The following PDCD11 variants were observed in gnomAD, a reference collection of about 807,000 sequenced individuals.
The protein encoded by PDCD11 is protein RRP5 homolog.
PDCD11 carries 97 observed loss-of-function variants against 198.9 expected under a neutral mutation model. The observed-to-expected ratio is 0.49, with a 90% CI of 0.41 to 0.58. The LOEUF (loss-of-function observed/expected upper bound fraction) is 0.58, where lower values mean the gene tolerates loss of function less well. PDCD11 is among the 20% of genes least tolerant of loss of function. The pLI is 0.00. For missense variants in PDCD11, 2,102 were observed against 2,312.7 expected (o/e 0.91, Z 1.87); for synonymous variants, 893 against 918.0 (o/e 0.97, Z 0.49).
chr10:103,433,213 G>A (rs1195264858), intron 22 of PDCD11, among the ~76,000 whole-genome samples: 4 of 152,126 alleles, frequency 2.6e-5, no homozygotes, highest in East Asian at 3.8e-4. Flanking sequence ...ATGTATTTAC[G>A]GCCAGGTGTG....
intron 31 of PDCD11, 58 bp downstream of exon 31, chr10:103,442,033 G>A: frequency 6.2e-7 from 1 of 1,602,794 alleles, no homozygotes; most frequent in Non-Finnish European, 8.5e-7. Context: ...TCAGTCTCTT[G>A]TGCTCTGTTC....
intron 7 of PDCD11, among the ~76,000 whole-genome samples, chr10:103,407,829 C>T (rs1000312489): frequency 1.3e-5 from 2 of 152,044 alleles, no homozygotes; most frequent in Non-Finnish European, 2.9e-5. Flanking sequence ...AGCGATCCCC[C>T]TGCCTCAGCC....
At chr10:103,407,527 C>A (rs1217021849) in intron 7 of PDCD11, among the ~76,000 whole-genome samples, 1 of 151,970 alleles carries the variant, frequency 6.6e-6, no homozygotes, top group East Asian at 1.9e-4. Flanking sequence ...TGTGCCACTG[C>A]ATTCCAGCCT....
At chr10:103,434,104 G>A (rs751574660) in intron 23 of PDCD11, 67 bp downstream of exon 23, 14 of 1,362,162 alleles carry the variant, frequency 1.0e-5, no homozygotes, top group Non-Finnish European at 1.5e-5. Context: ...TGCCTGGTGT[G>A]TGGGTTTACA....
At chr10:103,397,561 T>C (rs2093443459) in intron 1 of PDCD11, among the ~76,000 whole-genome samples, 1 of 152,178 alleles carries the variant, frequency 6.6e-6, no homozygotes, top group Non-Finnish European at 1.5e-5. Context: ...TCAGCCTGCC[T>C]AGTAGCTGGG....
Position 103,418,587 on chromosome 10 carries a change from G to A in PDCD11, c.2059G>A (p.Asp687Asn). The A allele has an allele frequency of 6.2e-7, 1 of 1,614,170 alleles. No homozygotes were observed. The highest frequency in any genetic ancestry group is 8.5e-7 in the Non-Finnish European group (1 of 1,180,018). ...PLLHHWLQAG[D>N]ILHRVLCLSQ... is the part of the protein sequence containing the mutation. ...GTTACATCATTGGCTCCAGGCAGGT[G>A]ACATCCTTCACCGAGTCCTGTGTCT... Residue 687 changes from aspartate (D) to asparagine (N), a missense_variant, in exon 15 of 36, where the codon GAC becomes AAC. Coordinates refer to ENST00000369797, the MANE Select transcript of PDCD11 (RefSeq NM_014976.2).
intron 7 of PDCD11, among the ~76,000 whole-genome samples, chr10:103,408,974 C>T (rs372528679): frequency 2.6e-5 from 4 of 152,158 alleles, no homozygotes; most frequent in Non-Finnish European, 5.9e-5. Context: ...TCTCCACCCA[C>T]GAGGGTCTAA....
chr10:103,415,233 C>G, intron 12 of PDCD11, 82 bp downstream of exon 12: 1 of 1,405,914 alleles, frequency 7.1e-7, no homozygotes, highest in Non-Finnish European at 1.0e-6. Context: ...CCTTTTTCCA[C>G]AAAGTGAGTG....
At chr10:103,426,884 G>T (rs1255228318) in intron 20 of PDCD11, among the ~76,000 whole-genome samples, 1 of 151,016 alleles carries the variant, frequency 6.6e-6, no homozygotes, top group East Asian at 1.9e-4. Context: ...CTGAGCCCAG[G>T]AGTTCAAGAC....
intron 14 of PDCD11, among the ~76,000 whole-genome samples, chr10:103,418,238 C>T (rs543166184): frequency 3.3e-5 from 5 of 152,038 alleles, no homozygotes; most frequent in Admixed American, 1.3e-4. Context: ...GAGAGGAGTG[C>T]GATGGGTCCA....
chr10:103,445,872 G>T lies in PDCD11; in HGVS notation c.*323G>T. ...TTCCCTGGGGAGCAAGAGTAGAGGG[G>T]CTATTCCCGAGGGTCCTGTGGTCAG... On this transcript the variant is annotated 3_prime_UTR_variant, in exon 36 of 36. Coordinates refer to ENST00000369797, the MANE Select transcript of PDCD11 (RefSeq NM_014976.2). The T allele has an allele frequency of 3.7e-6, 1 of 273,328 alleles. No individual in the cohort carries two copies. The highest frequency in any genetic ancestry group is 5.5e-5 in the South Asian group (1 of 18,214). The allele number at this position is 273,328 out of a possible 1,614,324, so 16.9% of individuals were successfully genotyped here.
chr10:103,436,245 CGTT>C (rs2032151620), intron 25 of PDCD11, among the ~76,000 whole-genome samples: 1 of 151,998 alleles, frequency 6.6e-6, no homozygotes. Flanking sequence ...GGATTACAGG[CGTT>C]GTGTCACCAT....
At chr10:103,420,680 C>G (rs772670417) in intron 16 of PDCD11, among the ~76,000 whole-genome samples, 22 of 152,132 alleles carry the variant, frequency 1.4e-4, no homozygotes, top group African/African-American at 4.8e-4. Context: ...ATTTGCATCC[C>G]CTGCCAGAAA....
Position 103,417,799 on chromosome 10 carries a change from A to G in PDCD11, c.1778A>G (p.Lys593Arg). Residue 593 changes from lysine (K) to arginine (R), a missense_variant, in exon 14 of 36, where the codon AAG (lysine) becomes AGG (arginine). Physicochemically the swap from Lys to Arg is conservative, Grantham distance 26. Transcript: ENST00000369797. ...TGTGTGGTTTCTTGCCAGGTGGTGAAGGTTGTCGTATTGAACTGTGAGCCA... is the reference window on the plus strand; with the variant it reads ...TGTGTGGTTTCTTGCCAGGTGGTGAGGGTTGTCGTATTGAACTGTGAGCCA... ...ERVFYTGQVV[K>R]VVVLNCEPSK... 1 of 1,613,610 alleles carries G rather than the reference A, an allele frequency of 6.2e-7. No individual in the cohort carries two copies.
At chr10:103,441,784 C>A (rs745955109) in intron 30 of PDCD11, 42 bp from the exon 31 acceptor site, 11 of 1,594,418 alleles carry the variant, frequency 6.9e-6, no homozygotes, top group Admixed American at 1.7e-5. Flanking sequence ...CAGGGAGCAG[C>A]CTGAGCCAGG....
In PDCD11 at chr10:103,425,542, G is replaced by T. The variant is rs2031657207; in HGVS notation, c.3305+17G>T. ...GACATTCAAGTATGGAGGCTCTGGG[G>T]GTGGGCTGGCTTCGAGGGAGATTGT... On this transcript the variant is annotated intron_variant, in intron 20 of 35. Coordinates refer to ENST00000369797, the MANE Select transcript of PDCD11 (RefSeq NM_014976.2). 1 of 1,591,504 alleles carries T rather than the reference G, an allele frequency of 6.3e-7. No homozygotes were observed. Among genetic ancestry groups the T allele is most frequent in the East Asian group, 2.3e-5 (1 of 44,352 alleles).
intron 16 of PDCD11, among the ~76,000 whole-genome samples, chr10:103,420,639 G>T (rs769265390): frequency 6.6e-6 from 1 of 152,062 alleles, no homozygotes; most frequent in African/African-American, 2.4e-5. Context: ...CTGTAGGCCT[G>T]TCTCCCTGGT....
At chr10:103,432,255 G>A (rs754111988) in intron 22 of PDCD11, 21 bp downstream of exon 22, 1 of 1,456,442 alleles carries the variant, frequency 6.9e-7, no homozygotes, top group Non-Finnish European at 9.6e-7. Flanking sequence ...TTGCCACTCG[G>A]CAATGAGATG....
At chr10:103,411,061 T>C (rs372835673) in intron 8 of PDCD11, among the ~76,000 whole-genome samples, 8 of 147,510 alleles carry the variant, frequency 5.4e-5, no homozygotes, top group African/African-American at 1.5e-4. Flanking sequence ...AGCGACAGAG[T>C]GAGACTCTGT....
Sources: gnomAD v4.1 joint callset for allele counts (sites outside exome capture counted in the v4.1 genomes callset) on GRCh38, gnomAD v4.1.1 for gene constraint, MANE v1.5 for transcripts, NCBI Gene and HGNC (gene_info 2026-07-23, HGNC 2026-07-21) for gene names.